Variants in ENOSF1 observed in about 807,000 individuals in gnomAD.
ENOSF1 encodes the protein mitochondrial enolase superfamily member 1.
Under a neutral mutation model 68.2 loss-of-function variants are expected in ENOSF1, and 73 were observed. That is an observed-to-expected ratio of 1.07 (90% CI 0.89 to 1.30). The LOEUF is 1.30. Ranked by LOEUF, ENOSF1 falls within the 50% of genes most tolerant of loss-of-function variation. ENOSF1 has a pLI of 0.00. For missense variants in ENOSF1, 589 were observed against 554.5 expected, an observed-to-expected ratio of 1.06 and a Z score of -0.62; for synonymous variants, 223 against 210.4, an observed-to-expected ratio of 1.06 and a Z score of -0.52.
Position 673,143 on chromosome 18 carries a change from T to C in ENOSF1, c.*1162A>G. On this transcript the variant is annotated 3_prime_UTR_variant, in exon 16 of 16. Transcript: ENST00000647584. The stretch of plus-strand genomic sequence containing the variant: ...TATCAGTTATTAATTTTTAAGGATG[T>C]TGCCACTGGCAAATGTAACTGTGCC... The C allele has an allele frequency of 1.2e-6, 1 of 867,534 alleles. No individual in the cohort carries two copies. The highest frequency in any genetic ancestry group is 1.7e-6 in the Non-Finnish European group (1 of 603,204). 53.7% of individuals were successfully genotyped at this position (867,534 alleles called of 1,614,324 possible). A position where few individuals can be genotyped will look rare whatever the true frequency, so the allele number is the denominator to read the frequency against.
Position 672,817 on chromosome 18 carries a change from G to A in ENOSF1, c.*1488C>T. On this transcript the variant is annotated 3_prime_UTR_variant, in exon 16 of 16. Transcript: ENST00000647584. Reference sequence around the variant, plus strand: ...CGGACATGAGGAGCAATTACAACAGGTCGTACAATTATGGCAAAATAATGG... The same window carrying A: ...CGGACATGAGGAGCAATTACAACAGATCGTACAATTATGGCAAAATAATGG... 2 of 1,535,702 alleles carry A rather than the reference G, an allele frequency of 1.3e-6. No homozygotes were observed. The highest frequency in any genetic ancestry group is 1.8e-6 in the Non-Finnish European group (2 of 1,126,814).
At chr18:687,932 T>A (rs2076771726) in intron 9 of ENOSF1, 1 of 152,402 alleles carries the variant, frequency 6.6e-6, no homozygotes, top group African/African-American at 2.4e-5. Context: ...TTTGGGAGGC[T>A]GAGGCAGGCG....
rs371939476 is a variant in ENOSF1 at position 670,887 on chromosome 18, G to A, written c.*3418C>T. ...CTGAAGGTGGGCTGTCTCGGGAAGGGTGACTTGCCAGCCTACCACACTGAG... is the reference window on the plus strand; with the variant it reads ...CTGAAGGTGGGCTGTCTCGGGAAGGATGACTTGCCAGCCTACCACACTGAG... On this transcript the variant is annotated 3_prime_UTR_variant, in exon 16 of 16. Transcript: ENST00000647584. The A allele has an allele frequency of 4.3e-6, 7 of 1,612,832 alleles. No individual in the cohort carries two copies. Among genetic ancestry groups the A allele is most frequent in the African/African-American group, 4.0e-5 (3 of 74,880 alleles).
chr18:678,857 C>A, intron 11 of ENOSF1, 120 bp from the exon 12 acceptor site: 1 of 992,298 alleles, frequency 1.0e-6, no homozygotes, highest in South Asian at 1.4e-5. Context: ...TGTGAAGGCT[C>A]AAGACTGGCA....
chr18:692,927 T>C, intron 5 of ENOSF1: 1 of 1,175,478 alleles, frequency 8.5e-7, no homozygotes, highest in Non-Finnish European at 1.1e-6. Context: ...GCCATGGTGT[T>C]CTTTGTTTTT....
Position 690,568 on chromosome 18 carries a change from G to C in ENOSF1, c.599C>G (p.Ser200Ter). The C allele has an allele frequency of 1.2e-6, 2 of 1,614,126 alleles. No homozygotes were observed. Among genetic ancestry groups the C allele is most frequent in the Non-Finnish European group, 1.7e-6 (2 of 1,180,044 alleles). ...YTTSCAWLGYSDDTLKQLCAQ... is the reference protein window; with the variant it reads ...YTTSCAWLGY ...GCCCACCTGCTTCAACGTGTCATCT[G>C]AGTACCCCAGCCAGGCGCACGATGT... The change falls in exon 8 of 16, where the codon TCA becomes TGA. Residue 200 changes from serine to a stop codon, truncating the protein, a stop_gained. Transcript: ENST00000647584. LOFTEE classifies it high-confidence loss of function.
rs190810753 is a variant in ENOSF1, at chr18:684,529, A to G, written c.742-1149T>C. On this transcript the variant is annotated intron_variant, in intron 10 of 15. Transcript: ENST00000647584. ...GGGTGACTGAGTGAGACCCTATCTC[A>G]AAAAATAATAATAATAACCCCATGA... Among the ~76,000 whole-genome samples the G allele has an allele frequency of 1.6e-3, 240 of 152,200 alleles. 2 individuals are homozygous for G. The highest frequency in any genetic ancestry group is 5.4e-3 in the African/African-American group (226 of 41,546).
chr18:709,601 T>C (rs1006994412), intron 1 of ENOSF1, among the ~76,000 whole-genome samples: 1 of 151,952 alleles, frequency 6.6e-6, no homozygotes, highest in Non-Finnish European at 1.5e-5. Flanking sequence ...TGAAACCCCG[T>C]CTCTACCAAA....
At chr18:708,393 G>A (rs955710855) in intron 1 of ENOSF1, among the ~76,000 whole-genome samples, 3 of 152,024 alleles carry the variant, frequency 2.0e-5, no homozygotes, top group African/African-American at 7.2e-5. Flanking sequence ...CTTATAGAAC[G>A]GGCATGCTGG....
At chr18:681,724 C>T (rs2847607) in intron 11 of ENOSF1, among the ~76,000 whole-genome samples, 32,869 of 152,106 alleles carry the variant, frequency 0.22, 3,795 homozygotes, top group Admixed American at 0.27. Flanking sequence ...CCACACCCAA[C>T]GTTCTCCTCA....
At chr18:679,650 A>G (rs2144653160) in intron 11 of ENOSF1, among the ~76,000 whole-genome samples, 1 of 151,982 alleles carries the variant, frequency 6.6e-6, no homozygotes, top group East Asian at 1.9e-4. Flanking sequence ...CTCACCTGGT[A>G]GAGTCCTCAC....
At chr18:677,675 C>A in intron 13 of ENOSF1, 68 bp downstream of exon 13, 1 of 1,549,872 alleles carries the variant, frequency 6.5e-7, no homozygotes, top group Non-Finnish European at 8.7e-7. Context: ...GAATTGCAAA[C>A]CATCAAGGGA....
At chr18:698,632 T>A (rs1568110212) in intron 2 of ENOSF1, among the ~76,000 whole-genome samples, 1 of 152,010 alleles carries the variant, frequency 6.6e-6, no homozygotes, top group African/African-American at 2.4e-5. Flanking sequence ...TTAATTATTA[T>A]TTTTTAGAGA....
downstream of ENOSF1, chr18:668,928 C>T (rs563998570): frequency 1.2e-4 from 70 of 603,972 alleles, no homozygotes; most frequent in Non-Finnish European, 2.8e-5. Flanking sequence ...GATCTGCAAA[C>T]TTTGCAGGAT....
intron 7 of ENOSF1, 22 bp downstream of exon 7, chr18:691,046 A>C (rs375069747): frequency 1.2e-6 from 2 of 1,613,530 alleles, no homozygotes; most frequent in African/African-American, 2.7e-5. Flanking sequence ...AAAACAATGA[A>C]GAAAATTTTC....
chr18:694,489 G>T (rs1030267371), intron 3 of ENOSF1, among the ~76,000 whole-genome samples, 155 bp from the exon 4 acceptor site: 2 of 152,138 alleles, frequency 1.3e-5, no homozygotes, highest in African/African-American at 2.4e-5. Context: ...AAATGAGCCA[G>T]GTGTGGTGGT....
chr18:688,385 T>G, intron 9 of ENOSF1, 189 bp downstream of exon 9: 1 of 610,836 alleles, frequency 1.6e-6, no homozygotes, highest in Non-Finnish European at 2.8e-6. Flanking sequence ...ATAATTCTAA[T>G]GAGGACTCAC....
Position 670,613 on chromosome 18 carries a change from T to G in ENOSF1, c.*3692A>C, listed in dbSNP as rs1202419612. The stretch of plus-strand genomic sequence containing the variant: ...TCCACCATATGAGTTGGCTTCTGTT[T>G]CTCTCCTGTTTTACTTTGCCTTTAG... On this transcript the variant is annotated 3_prime_UTR_variant, in exon 16 of 16. Transcript: ENST00000647584. 1.3e-6 allele frequency: 2 copies of G among 1,513,362 alleles called. No homozygotes were observed. The highest frequency in any genetic ancestry group is 9.0e-7 in the Non-Finnish European group (1 of 1,109,094). 93.7% of individuals were successfully genotyped at this position (1,513,362 alleles called of 1,614,324 possible). A position where few individuals can be genotyped will look rare whatever the true frequency, so the allele number is the denominator to read the frequency against.
chr18:680,201 T>G (rs2075933507), intron 11 of ENOSF1, among the ~76,000 whole-genome samples: 2 of 152,224 alleles, frequency 1.3e-5, no homozygotes, highest in South Asian at 2.1e-4. Flanking sequence ...ACGGGATGTG[T>G]GGCCTTGGGC....
Sources: gnomAD v4.1 joint callset for allele counts (sites outside exome capture counted in the v4.1 genomes callset) on GRCh38, gnomAD v4.1.1 for gene constraint, MANE v1.5 for transcripts, NCBI Gene and HGNC (gene_info 2026-07-23, HGNC 2026-07-21) for gene names.